HTR2A: variants seen among roughly 807,000 people sequenced by gnomAD.
HTR2A encodes 5-HT2 receptor.
A neutral mutation model predicts 31.0 loss-of-function variants in HTR2A; 14 were observed. The observed-to-expected ratio is 0.45, with a 90% CI of 0.30 to 0.71. The LOEUF is 0.71. Ranked by LOEUF, HTR2A falls within the 30% of genes least tolerant of loss-of-function variation. The pLI is 0.09. For missense variants in HTR2A, 442 were observed against 573.3 expected (o/e 0.77, Z 2.34); for synonymous variants, 209 against 225.2 (o/e 0.93, Z 0.64).
chr13:46,848,446 G>T (rs954084122), intron 3 of HTR2A, among the ~76,000 whole-genome samples: 2 of 152,134 alleles, frequency 1.3e-5, no homozygotes, highest in African/African-American at 4.8e-5. Flanking sequence ...AATGAGTCAA[G>T]GTAGAACTGT....
intron 3 of HTR2A, among the ~76,000 whole-genome samples, chr13:46,881,938 T>C (rs1222524385): frequency 3.9e-5 from 6 of 152,222 alleles, no homozygotes; most frequent in Non-Finnish European, 5.9e-5. Context: ...AAATATATTT[T>C]GCTGTCATTC....
intron 2 of HTR2A, among the ~76,000 whole-genome samples, chr13:46,893,268 T>A (rs1241242014): frequency 6.6e-6 from 1 of 152,164 alleles, no homozygotes; most frequent in Non-Finnish European, 1.5e-5. Flanking sequence ...GGGAGGCATT[T>A]CTCAAACTTT....
chr13:46,885,019 G>C (rs1950995610), intron 3 of HTR2A, among the ~76,000 whole-genome samples: 1 of 152,078 alleles, frequency 6.6e-6, no homozygotes, highest in Admixed American at 6.5e-5. Flanking sequence ...GTAGATGCCT[G>C]AAACCAAGGA....
At position 46,895,353 on chromosome 13, in the gene HTR2A, A is replaced by G. The variant is rs1951092766; in HGVS notation, c.412+142T>C. ...AATCCCATTTTAAGAGTAAAATATA[A>G]GTAACATAGTAGGCTCTAGTCTATA... is the stretch of plus-strand genomic sequence containing the variant. On this transcript the variant is annotated intron_variant, in intron 2 of 3. Transcript: ENST00000542664. The surrounding 1 kb of genome is among the most constrained non-coding windows in gnomAD (Gnocchi z 4.4). The G allele has an allele frequency of 1.4e-6, 1 of 703,396 alleles. No individual in the cohort carries two copies. Among genetic ancestry groups the G allele is most frequent in the South Asian group, 2.0e-5 (1 of 49,734 alleles). The allele number at this position is 703,396 out of a possible 1,614,324, so 43.6% of individuals were successfully genotyped here.
intron 3 of HTR2A, among the ~76,000 whole-genome samples, chr13:46,850,699 A>T (rs1950677761): frequency 6.6e-6 from 1 of 152,050 alleles, no homozygotes; most frequent in African/African-American, 2.4e-5. Context: ...GCCTCCTTTT[A>T]TCTGTGCTTG....
At chr13:46,837,913 C>T (rs964907529) in intron 3 of HTR2A, among the ~76,000 whole-genome samples, 1 of 152,218 alleles carries the variant, frequency 6.6e-6, no homozygotes, top group African/African-American at 2.4e-5. Flanking sequence ...AGATAAATGA[C>T]ATCAGAGCTG....
intron 2 of HTR2A, among the ~76,000 whole-genome samples, chr13:46,893,518 T>C (rs1013392383): frequency 1.3e-5 from 2 of 152,230 alleles, no homozygotes; most frequent in Non-Finnish European, 2.9e-5. Context: ...AAGGTCCTGA[T>C]GCCCATGCCA....
intron 3 of HTR2A, among the ~76,000 whole-genome samples, chr13:46,849,712 G>C (rs1179252403): frequency 6.6e-6 from 1 of 152,178 alleles, no homozygotes; most frequent in Admixed American, 6.5e-5. Context: ...TCCCCAGTCA[G>C]CCTTCCTCAC....
intron 3 of HTR2A, 50 bp downstream of exon 3, chr13:46,892,340 A>C (rs1593446440): frequency 6.4e-7 from 1 of 1,552,524 alleles, no homozygotes; most frequent in Non-Finnish European, 8.9e-7. Context: ...TCTTTTCAGA[A>C]AGCACGAACT....
chr13:46,846,166 A>G (rs1277471790), intron 3 of HTR2A, among the ~76,000 whole-genome samples: 1 of 152,180 alleles, frequency 6.6e-6, no homozygotes, highest in Non-Finnish European at 1.5e-5. Flanking sequence ...GTTTTAAGCA[A>G]GTCATTTAAT....
In HTR2A at chr13:46,835,184, C is replaced by G; in HGVS notation, c.1069G>C (p.Val357Leu). Residue 357 changes from valine (V) to leucine (L), a missense_variant, in exon 4 of 4, where the codon GTC (valine) becomes CTC (leucine). Around this residue, in one of 5 missense-constraint regions of HTR2A, gnomAD observed 174 missense variants for 195.1 expected, o/e 0.89. Transcript: ENST00000542664. ...VICKESCNEDVIGALLNVFVW... is the reference protein window; with the variant it reads ...VICKESCNEDLIGALLNVFVW... ...AACACATTGAGCAGGGCCCCAATGA[C>G]ATCCTCATTGCAGGACTCTTTGCAG... 1 of 1,614,070 alleles carries G rather than the reference C, an allele frequency of 6.2e-7. No individual in the cohort carries two copies. The highest frequency in any genetic ancestry group is 1.3e-5 in the African/African-American group (1 of 75,048).
chr13:46,891,747 A>T (rs1951054441), intron 3 of HTR2A, among the ~76,000 whole-genome samples: 3 of 152,220 alleles, frequency 2.0e-5, no homozygotes, highest in African/African-American at 7.2e-5. Flanking sequence ...AGCTTCCATT[A>T]CCTGGGCTTT....
chr13:46,837,398 T>C (rs1439438853), intron 3 of HTR2A, among the ~76,000 whole-genome samples: 3 of 152,208 alleles, frequency 2.0e-5, no homozygotes, highest in East Asian at 1.9e-4. Flanking sequence ...GTACTCTGTA[T>C]AACTTAGTTT....
chr13:46,894,093 G>A (rs964943858), intron 2 of HTR2A, among the ~76,000 whole-genome samples: 5 of 152,232 alleles, frequency 3.3e-5, no homozygotes, highest in South Asian at 2.1e-4. Flanking sequence ...GCCTCAGTCC[G>A]TGTTTCTGAT....
intron 3 of HTR2A, among the ~76,000 whole-genome samples, chr13:46,882,837 T>C (rs183888867): frequency 1.5e-3 from 222 of 152,348 alleles, no homozygotes; most frequent in Middle Eastern, 3.4e-3. Flanking sequence ...ATCTATTTTC[T>C]TTTCTCACAT....
intron 3 of HTR2A, among the ~76,000 whole-genome samples, chr13:46,838,541 A>C (rs1303263335): frequency 2.0e-5 from 3 of 152,176 alleles, no homozygotes; most frequent in Non-Finnish European, 4.4e-5. Context: ...GTTTGTATAC[A>C]CTAGATTTTA....
At chr13:46,865,837 TCTC>T (rs903926168) in intron 3 of HTR2A, among the ~76,000 whole-genome samples, 2 of 152,150 alleles carry the variant, frequency 1.3e-5, no homozygotes, top group South Asian at 2.1e-4. Context: ...TGGAGAGAAA[TCTC>T]CTGTGTAGGA....
chr13:46,881,348 C>T (rs1303368748), intron 3 of HTR2A, among the ~76,000 whole-genome samples: 1 of 152,166 alleles, frequency 6.6e-6, no homozygotes, highest in Non-Finnish European at 1.5e-5. Flanking sequence ...CTGCCATACT[C>T]TAGAGACAGT....
Position 46,881,746 on chromosome 13 carries a change from C to T in HTR2A, c.613+10644G>A, listed in dbSNP as rs1032699636. On this transcript the variant is annotated intron_variant, in intron 3 of 3. Transcript: ENST00000542664. ...GCCGTATAAAGGAGTTGGGCATAAA[C>T]CTGGAGGGTCCCAGGAGAGACAATC... Among the ~76,000 whole-genome samples, 4 of 152,250 alleles carry T rather than the reference C, an allele frequency of 2.6e-5. No individual in the cohort carries two copies. In the South Asian group the frequency reaches 6.2e-4, roughly 24 times the overall value.
Sources: allele counts gnomAD v4.1 joint callset (sites outside exome capture counted in the v4.1 genomes callset), GRCh38; gene constraint gnomAD v4.1.1; regional missense constraint gnomAD v4.1.1; non-coding constraint Gnocchi (gnomAD v3.1); transcripts MANE v1.5; gene names NCBI Gene and HGNC (gene_info 2026-07-23, HGNC 2026-07-21).